Variants in CD44 observed in about 807,000 individuals in gnomAD.
CD44 encodes the protein CD44 antigen.
Under a neutral mutation model 88.8 loss-of-function variants are expected in CD44, and 49 were observed. The observed-to-expected ratio is 0.55, with a 90% CI of 0.44 to 0.70. The LOEUF (loss-of-function observed/expected upper bound fraction) is 0.70. CD44 is among the 30% of genes least tolerant of loss of function. The pLI is 0.00. For synonymous variants in CD44, 325 were observed against 312.3 expected (o/e 1.04, Z -0.43); for missense variants, 883 against 913.8 (o/e 0.97, Z 0.43).
intron 17 of CD44, chr11:35,222,924 T>C (rs1253559388): frequency 1.8e-5 from 18 of 985,276 alleles, no homozygotes; most frequent in South Asian, 9.4e-5. Context: ...GAGAGAATTA[T>C]GGACTCCTTA....
rs758607544 is a variant in CD44 at position 35,186,905 on chromosome 11, G to A, written c.436+5G>A. 6.5e-7 allele frequency: 1 copy of A among 1,540,520 alleles called. No individual in the cohort carries two copies. The highest frequency in any genetic ancestry group is 2.2e-5 in the East Asian group (1 of 44,524). ...TTGATGGACCAATTACCATAAGTAT[G>A]TCTCTCTTCTAATCTTAATTAAATT... On this transcript the variant is annotated splice_donor_5th_base_variant and intron_variant, in intron 4 of 17. Coordinates refer to ENST00000428726, the MANE Select transcript of CD44 (RefSeq NM_000610.4).
intron 1 of CD44, among the ~76,000 whole-genome samples, chr11:35,145,788 C>T (rs1321662184): frequency 2.0e-5 from 3 of 152,062 alleles, no homozygotes; most frequent in East Asian, 3.8e-4. Flanking sequence ...ATGGGAGATG[C>T]GGGAGATTCT....
At chr11:35,146,165 G>C (rs2133065748) in intron 1 of CD44, among the ~76,000 whole-genome samples, 1 of 152,312 alleles carries the variant, frequency 6.6e-6, no homozygotes, top group East Asian at 1.9e-4. Flanking sequence ...TCCCTGCGAA[G>C]TGCAAGTGTG....
At chr11:35,146,759 G>C (rs974318387) in intron 1 of CD44, among the ~76,000 whole-genome samples, 2 of 152,254 alleles carry the variant, frequency 1.3e-5, no homozygotes, top group Admixed American at 1.3e-4. Flanking sequence ...AGATATCGAG[G>C]CACCCTAGAA....
chr11:35,230,141 C>T lies in CD44; in HGVS notation c.*808C>T, dbSNP rs77528339. ...TCTTCTAAGTCTTCATCTCAGAGACCCTGAGTTCCCACTCAGACCCACTCA... is the reference window on the plus strand; with the variant it reads ...TCTTCTAAGTCTTCATCTCAGAGACTCTGAGTTCCCACTCAGACCCACTCA... On this transcript the variant is annotated 3_prime_UTR_variant, in exon 18 of 18. Coordinates refer to ENST00000428726, the MANE Select transcript of CD44 (RefSeq NM_000610.4). 3.3e-5 allele frequency: 5 copies of T among 151,876 alleles called. No homozygotes were observed. The highest frequency in any genetic ancestry group is 5.9e-5 in the Non-Finnish European group (4 of 68,014). The allele number at this position is 151,876 out of a possible 1,614,324, so 9.4% of individuals were successfully genotyped here.
chr11:35,169,198 C>G (rs1214632772), intron 1 of CD44, among the ~76,000 whole-genome samples: 1 of 152,008 alleles, frequency 6.6e-6, no homozygotes, highest in Non-Finnish European at 1.5e-5. Context: ...CATTTGCCTA[C>G]CATGGGAGGC....
intron 8 of CD44, 70 bp downstream of exon 8, chr11:35,201,265 C>A: frequency 2.9e-6 from 3 of 1,049,350 alleles, no homozygotes; most frequent in South Asian, 1.3e-5. Flanking sequence ...AAAGGTCAAT[C>A]ATCGAGGCAC....
chr11:35,153,080 T>C (rs532565052), intron 1 of CD44, among the ~76,000 whole-genome samples: 2 of 152,274 alleles, frequency 1.3e-5, no homozygotes, highest in African/African-American at 4.8e-5. Context: ...ACTTGTTTGA[T>C]TGGAAAGATA....
intron 1 of CD44, among the ~76,000 whole-genome samples, chr11:35,149,942 G>A (rs1859983124): frequency 1.3e-5 from 2 of 152,228 alleles, no homozygotes; most frequent in Admixed American, 6.5e-5. Context: ...CCATGTGGAA[G>A]GTGAGCAGAT....
chr11:35,188,194 A>G (rs1945885938), intron 4 of CD44, among the ~76,000 whole-genome samples: 1 of 152,206 alleles, frequency 6.6e-6, no homozygotes, highest in Non-Finnish European at 1.5e-5. Context: ...TGGCAGAGGG[A>G]TGAGAATCTT....
chr11:35,167,504 A>G (rs1943427855), intron 1 of CD44, among the ~76,000 whole-genome samples: 1 of 152,162 alleles, frequency 6.6e-6, no homozygotes. Context: ...AGTAAGATTT[A>G]TTAGTTGTGC....
chr11:35,157,473 A>G (rs186833950), intron 1 of CD44, among the ~76,000 whole-genome samples: 3 of 152,162 alleles, frequency 2.0e-5, no homozygotes, highest in African/African-American at 4.8e-5. Context: ...TCTATCTGCC[A>G]TATATCTATC....
chr11:35,145,073 T>A (rs1029914641), intron 1 of CD44, among the ~76,000 whole-genome samples: 2 of 152,232 alleles, frequency 1.3e-5, no homozygotes, highest in African/African-American at 4.8e-5. Context: ...GCCTGAAGGA[T>A]CTATGTGTGT....
chr11:35,176,496 A>T, intron 1 of CD44, 79 bp from the exon 2 acceptor site: 1 of 1,363,912 alleles, frequency 7.3e-7, no homozygotes, highest in South Asian at 1.4e-5. Flanking sequence ...CTTTTTAAGG[A>T]GTCTGTCCTA....
At chr11:35,188,827 G>C (rs973271637) in intron 4 of CD44, among the ~76,000 whole-genome samples, 1 of 151,822 alleles carries the variant, frequency 6.6e-6, no homozygotes, top group African/African-American at 2.4e-5. Context: ...AGTCCCAGCT[G>C]CTTGGGAGGC....
intron 5 of CD44, among the ~76,000 whole-genome samples, chr11:35,191,747 T>G (rs114434541): frequency 6.6e-6 from 1 of 152,208 alleles, no homozygotes; most frequent in African/African-American, 2.4e-5. Flanking sequence ...TATAAAATAG[T>G]ATTTCATGTG....
In CD44 at chr11:35,201,716, C is replaced by A. The variant is rs1286908012; in HGVS notation, c.1082C>A (p.Pro361Gln). ...ACTGCTTATGAAGGAAACTGGAACCCAGAAGCACACCCTCCCCTCATTCAC... is the reference window on the plus strand; with the variant it reads ...ACTGCTTATGAAGGAAACTGGAACCAAGAAGCACACCCTCCCCTCATTCAC... ...GTTAYEGNWNPEAHPPLIHHE... is the reference protein window; with the variant it reads ...GTTAYEGNWNQEAHPPLIHHE... Residue 361 changes from proline to glutamine, a missense_variant, in exon 9 of 18, where the codon CCA becomes CAA. Around this residue, in one of 2 missense-constraint regions of CD44, gnomAD observed 631 missense variants for 590.9 expected, o/e 1.07. Coordinates refer to ENST00000428726, the MANE Select transcript of CD44 (RefSeq NM_000610.4). 5 of 1,613,616 alleles carry A rather than the reference C, an allele frequency of 3.1e-6. No individual in the cohort carries two copies. The highest frequency in any genetic ancestry group is 1.7e-5 in the Admixed American group (1 of 59,992).
intron 1 of CD44, chr11:35,139,667 C>A: frequency 1.5e-6 from 1 of 663,234 alleles, no homozygotes; most frequent in Admixed American, 1.9e-5. Flanking sequence ...CAGAAAGTAA[C>A]CGTTCTCCCG....
At chr11:35,191,788 T>C (rs1183636627) in intron 5 of CD44, among the ~76,000 whole-genome samples, 1 of 152,214 alleles carries the variant, frequency 6.6e-6, no homozygotes, top group Admixed American at 6.5e-5. Flanking sequence ...CATTAACCCC[T>C]ATAGAATATC....
Sources: gnomAD v4.1 joint callset for allele counts (sites outside exome capture counted in the v4.1 genomes callset) on GRCh38, gnomAD v4.1.1 for gene constraint, gnomAD v4.1.1 regional missense constraint, MANE v1.5 for transcripts, NCBI Gene and HGNC (gene_info 2026-07-23, HGNC 2026-07-21) for gene names.